AIG1: variants seen among roughly 807,000 people sequenced by gnomAD.
AIG1 encodes androgen-induced gene 1 protein.
Under a neutral mutation model 31.4 loss-of-function variants are expected in AIG1, and 23 were observed. The observed-to-expected ratio is 0.73, with a 90% CI of 0.53 to 1.04. The LOEUF (loss-of-function observed/expected upper bound fraction) is 1.04. AIG1 is among the 50% of genes least tolerant of loss of function. AIG1 has a pLI of 0.00. For synonymous variants in AIG1, 100 were observed against 110.5 expected (o/e 0.90, Z 0.60); for missense variants, 274 against 295.0 (o/e 0.93, Z 0.52).
chr6:143,278,564 G>A (rs187491314), intron 3 of AIG1, among the ~76,000 whole-genome samples: 19 of 151,552 alleles, frequency 1.3e-4, no homozygotes, highest in Admixed American at 1.1e-3. Context: ...TGCCTCCCAG[G>A]TTCAAGTGAT....
In AIG1 at chr6:143,149,746, A is replaced by G. The variant is rs1441286814; in HGVS notation, c.297+12756A>G. 1.3e-5 allele frequency among the ~76,000 whole-genome samples: 2 copies of G among 152,176 alleles called. 1 individual carries two copies. The highest frequency in any genetic ancestry group is 4.8e-5 in the African/African-American group (2 of 41,442). On this transcript the variant is annotated intron_variant, in intron 2 of 5. Coordinates refer to ENST00000357847, the MANE Select transcript of AIG1 (RefSeq NM_016108.4). ...CAGCTTGCAAAGTGCAAGTTTTGAC[A>G]AGAAAAGAAAATCTTTCCTGCTTTG...
downstream of AIG1, chr6:143,342,225 A>G: frequency 4.4e-6 from 3 of 675,772 alleles, no homozygotes; most frequent in South Asian, 4.5e-5. Context: ...GCCCGTCCTA[A>G]AATTTTCTTG....
intron 1 of AIG1, among the ~76,000 whole-genome samples, chr6:143,135,330 G>C (rs1783636422): frequency 1.3e-5 from 2 of 152,024 alleles, no homozygotes; most frequent in African/African-American, 4.8e-5. Context: ...AACATCTAAA[G>C]TCCTAGGATA....
At chr6:143,112,903 C>T (rs1405465866) in intron 1 of AIG1, among the ~76,000 whole-genome samples, 2 of 151,914 alleles carry the variant, frequency 1.3e-5, no homozygotes, top group Non-Finnish European at 2.9e-5. Context: ...GAGAGGTAAA[C>T]GTATTAAGCC....
At chr6:143,059,774 G>C (rs1038406205), upstream of AIG1, among the ~76,000 whole-genome samples, 9 of 152,128 alleles carry the variant, frequency 5.9e-5, no homozygotes, top group Admixed American at 2.6e-4. Context: ...TATTTGAAGA[G>C]GACACCTGTT....
At chr6:143,124,087 A>C (rs1034159899) in intron 1 of AIG1, among the ~76,000 whole-genome samples, 3 of 152,254 alleles carry the variant, frequency 2.0e-5, no homozygotes, top group African/African-American at 7.2e-5. Flanking sequence ...ACTAAAAATC[A>C]ACAAAGTCAT....
intron 3 of AIG1, among the ~76,000 whole-genome samples, chr6:143,259,883 T>C (rs551777505): frequency 6.6e-6 from 1 of 152,254 alleles, no homozygotes; most frequent in Admixed American, 6.5e-5. Flanking sequence ...TTGAGTTGCC[T>C]AAAAGTTTTA....
chr6:143,207,194 G>C lies in AIG1; in HGVS notation c.399+42011G>C, dbSNP rs1032340552. Among the ~76,000 whole-genome samples, 5 of 152,066 alleles carry C rather than the reference G, an allele frequency of 3.3e-5. No homozygotes were observed. The South Asian group carries it at 6.2e-4, about 19-fold the overall frequency. ...CCCAGTTGCAATGACTTAAGACTTAGATTCCATTCCATGAGTGTCTTGCTA... is the reference window on the plus strand; with the variant it reads ...CCCAGTTGCAATGACTTAAGACTTACATTCCATTCCATGAGTGTCTTGCTA... On this transcript the variant is annotated intron_variant, in intron 3 of 5. Transcript: ENST00000357847.
intron 4 of AIG1, among the ~76,000 whole-genome samples, chr6:143,323,680 A>C (rs111540400): frequency 2.6e-5 from 4 of 152,222 alleles, no homozygotes; most frequent in African/African-American, 9.6e-5. Context: ...TGGGACCTAC[A>C]GGCTGTTCAT....
At chr6:143,265,768 AC>A (rs1446444223) in intron 3 of AIG1, among the ~76,000 whole-genome samples, 1 of 152,326 alleles carries the variant, frequency 6.6e-6, no homozygotes, top group East Asian at 1.9e-4. Context: ...ACTTAAAGTG[AC>A]AAAAAGTAAC....
intron 1 of AIG1, among the ~76,000 whole-genome samples, chr6:143,078,963 C>T (rs1360571990): frequency 6.6e-6 from 1 of 152,188 alleles, no homozygotes; most frequent in African/African-American, 2.4e-5. Flanking sequence ...CTCTCCAGCT[C>T]TCAAGATGTC....
At chr6:143,285,312 G>A (rs1255697392) in intron 4 of AIG1, among the ~76,000 whole-genome samples, 1 of 151,056 alleles carries the variant, frequency 6.6e-6, no homozygotes, top group African/African-American at 2.4e-5. Context: ...GGATGTCCAT[G>A]TGGACAAGCA....
At chr6:143,119,625 G>A (rs1782071740) in intron 1 of AIG1, among the ~76,000 whole-genome samples, 1 of 152,276 alleles carries the variant, frequency 6.6e-6, no homozygotes, top group East Asian at 1.9e-4. Flanking sequence ...GGACACTTTG[G>A]ACTTAGTTTC....
chr6:143,218,878 G>A (rs1453326127), intron 3 of AIG1, among the ~76,000 whole-genome samples: 1 of 152,132 alleles, frequency 6.6e-6, no homozygotes, highest in Non-Finnish European at 1.5e-5. Flanking sequence ...GTAACGCAGA[G>A]CAATTCAACA....
At chr6:143,063,239 T>C (rs1459494452) in intron 1 of AIG1, among the ~76,000 whole-genome samples, 1 of 152,242 alleles carries the variant, frequency 6.6e-6, no homozygotes. Flanking sequence ...TAAATACTAA[T>C]CACCATACAG....
At chr6:143,225,559 A>G (rs1229466975) in intron 3 of AIG1, among the ~76,000 whole-genome samples, 1 of 152,240 alleles carries the variant, frequency 6.6e-6, no homozygotes, top group Non-Finnish European at 1.5e-5. Flanking sequence ...AGTCTTTACT[A>G]TTATTGACAG....
At position 143,089,461 on chromosome 6, in the gene AIG1, A is replaced by G. The variant is rs141279898; in HGVS notation, c.141+28395A>G. 1.1e-4 allele frequency among the ~76,000 whole-genome samples: 16 copies of G among 152,256 alleles called. No homozygotes were observed. The East Asian group carries it at 2.5e-3, about 24-fold the overall frequency. ...ATAAAGCTTCTATTTTGTTTGTTTC[A>G]TACGTTACACAGGAATATAATAGTA... On this transcript the variant is annotated intron_variant, in intron 1 of 5. Transcript: ENST00000357847.
At chr6:143,086,458 T>C (rs563852390) in intron 1 of AIG1, among the ~76,000 whole-genome samples, 11 of 152,246 alleles carry the variant, frequency 7.2e-5, no homozygotes, top group African/African-American at 2.6e-4. Context: ...ATCTGTTATG[T>C]TGTTGTAGAC....
chr6:143,157,024 T>C (rs1467989351), intron 2 of AIG1, among the ~76,000 whole-genome samples: 1 of 152,222 alleles, frequency 6.6e-6, no homozygotes, highest in Non-Finnish European at 1.5e-5. Context: ...TTACAGTTAT[T>C]TGGTGTAAGT....
Sources: allele counts gnomAD v4.1 joint callset (sites outside exome capture counted in the v4.1 genomes callset), GRCh38; gene constraint gnomAD v4.1.1; transcripts MANE v1.5; gene names NCBI Gene and HGNC (gene_info 2026-07-23, HGNC 2026-07-21).